Variants in NIPBL observed in about 807,000 individuals in gnomAD.
NIPBL encodes the protein nipped-B-like protein.
A neutral mutation model predicts 321.8 loss-of-function variants in NIPBL; 19 were observed. That is an observed-to-expected ratio of 0.06 (90% CI 0.04 to 0.09). The LOEUF (loss-of-function observed/expected upper bound fraction) is 0.09. Among genes scored for constraint, NIPBL ranks in the 10% least tolerant of loss-of-function variants. The pLI, the probability that NIPBL is intolerant of heterozygous loss-of-function variation, is 1.00. For synonymous variants in NIPBL, 1,106 were observed against 1,114.1 expected (o/e 0.99, Z 0.14); for missense variants, 2,210 against 3,327.0 (o/e 0.66, Z 8.26).
chr5:37,041,259 T>G (rs1335416770), intron 34 of NIPBL, among the ~76,000 whole-genome samples: 4 of 121,206 alleles, frequency 3.3e-5, no homozygotes, highest in Admixed American at 8.2e-5. Context: ...GTGGTTTTTT[T>G]TTTTTTTTTT....
chr5:36,915,949 C>T (rs1039771567), intron 1 of NIPBL, among the ~76,000 whole-genome samples: 4 of 152,138 alleles, frequency 2.6e-5, no homozygotes, highest in African/African-American at 7.2e-5. Flanking sequence ...ATTGATAGAA[C>T]ACAGACTAAA....
chr5:37,014,890 G>C (rs1199305375), intron 22 of NIPBL, 125 bp downstream of exon 22: 9 of 672,598 alleles, frequency 1.3e-5, no homozygotes, highest in Non-Finnish European at 8.0e-6. Context: ...CCTGACACTT[G>C]GTTTCTTGAT....
At chr5:36,990,042 G>T (rs938651915) in intron 10 of NIPBL, among the ~76,000 whole-genome samples, 1 of 151,186 alleles carries the variant, frequency 6.6e-6, no homozygotes, top group South Asian at 2.1e-4. Flanking sequence ...TTTCCAACTA[G>T]TATATCATTC....
At chr5:37,007,596 T>A in intron 18 of NIPBL, 122 bp downstream of exon 18, 1 of 665,120 alleles carries the variant, frequency 1.5e-6, no homozygotes, top group South Asian at 2.2e-5. Context: ...GTTAAGAGTA[T>A]GTTATATCTA....
chr5:36,999,944 T>C (rs1746595399), intron 11 of NIPBL, among the ~76,000 whole-genome samples: 1 of 152,194 alleles, frequency 6.6e-6, no homozygotes, highest in African/African-American at 2.4e-5. Context: ...AAGTTGACTT[T>C]TCCTCCAAAC....
Position 37,046,217 on chromosome 5 carries a change from T to C in NIPBL, c.6589+18T>C, listed in dbSNP as rs763816411. On this transcript the variant is annotated intron_variant, in intron 38 of 46. Coordinates refer to ENST00000282516, the MANE Select transcript of NIPBL (RefSeq NM_133433.4). ...TGGTCTAGGTAAGTCTAAATTTCTTTATAATTTGTAGCTATTTGAGAGGGA... is the reference window on the plus strand; with the variant it reads ...TGGTCTAGGTAAGTCTAAATTTCTTCATAATTTGTAGCTATTTGAGAGGGA... 5.2e-6 allele frequency: 7 copies of C among 1,352,968 alleles called. No homozygotes were observed. Among genetic ancestry groups the C allele is most frequent in the Middle Eastern group, 1.8e-4 (1 of 5,542 alleles). 83.8% of individuals were successfully genotyped at this position (1,352,968 alleles called of 1,614,324 possible).
At chr5:36,980,704 T>G (rs533434599) in intron 9 of NIPBL, among the ~76,000 whole-genome samples, 2 of 151,786 alleles carry the variant, frequency 1.3e-5, no homozygotes, top group East Asian at 3.9e-4. Flanking sequence ...CTATATGATG[T>G]TCACGTAACA....
intron 1 of NIPBL, among the ~76,000 whole-genome samples, chr5:36,937,014 T>C (rs1275381134): frequency 6.6e-6 from 1 of 152,194 alleles, no homozygotes; most frequent in Non-Finnish European, 1.5e-5. Flanking sequence ...ATTTGTGATA[T>C]ATTAAACAGG....
chr5:37,006,602 A>G lies in NIPBL; in HGVS notation c.4087+14A>G. ...ATCCTCATGGAGGTTAGTTCGTATA[A>G]TATCAAAATTATTGTAAATTTTTGC... On this transcript the variant is annotated intron_variant, in intron 17 of 46. Transcript: ENST00000282516. The G allele has an allele frequency of 6.5e-7, 1 of 1,540,242 alleles. No individual in the cohort carries two copies. Among genetic ancestry groups the G allele is most frequent in the Non-Finnish European group, 8.9e-7 (1 of 1,119,344 alleles).
chr5:36,884,991 G>T (rs1168055108), intron 1 of NIPBL, among the ~76,000 whole-genome samples: 1 of 152,122 alleles, frequency 6.6e-6, no homozygotes, highest in Admixed American at 6.5e-5. Flanking sequence ...TATAATTGGA[G>T]TAAGATACTG....
At chr5:36,997,956 T>C (rs1746336934) in intron 11 of NIPBL, among the ~76,000 whole-genome samples, 1 of 152,144 alleles carries the variant, frequency 6.6e-6, no homozygotes, top group Non-Finnish European at 1.5e-5. Flanking sequence ...GGAAATAGTT[T>C]TGTTGAAGGT....
chr5:37,065,176 A>C lies in NIPBL; in HGVS notation c.*284A>C. The C allele has an allele frequency of 2.3e-6, 1 of 432,922 alleles. No homozygotes were observed. Among genetic ancestry groups the C allele is most frequent in the Non-Finnish European group, 4.2e-6 (1 of 238,196 alleles). 26.8% of individuals were successfully genotyped at this position (432,922 alleles called of 1,614,324 possible). A position where few individuals can be genotyped will look rare whatever the true frequency, so the allele number is the denominator to read the frequency against. On this transcript the variant is annotated 3_prime_UTR_variant, in exon 47 of 47. Transcript: ENST00000282516. Reference sequence around the variant, plus strand: ...AACTTTCTGTTTAAAAAAAATAAACAAGTGAATGTTGGAAATTAGTCTGTT... The same window carrying C: ...AACTTTCTGTTTAAAAAAAATAAACCAGTGAATGTTGGAAATTAGTCTGTT...
intron 1 of NIPBL, chr5:36,885,611 A>G: frequency 1.9e-6 from 1 of 534,984 alleles, no homozygotes; most frequent in East Asian, 4.9e-5. Context: ...CGAGGATCTG[A>G]GGGCTCAGAT....
At chr5:37,053,065 G>C (rs1383252499) in intron 42 of NIPBL, among the ~76,000 whole-genome samples, 1 of 152,080 alleles carries the variant, frequency 6.6e-6, no homozygotes, top group Non-Finnish European at 1.5e-5. Flanking sequence ...ATGAAACCAT[G>C]GATAGTACTA....
chr5:36,994,412 T>G (rs954460699), intron 10 of NIPBL, among the ~76,000 whole-genome samples: 4 of 152,196 alleles, frequency 2.6e-5, no homozygotes, highest in Non-Finnish European at 5.9e-5. Context: ...TCATTAAGAT[T>G]AATATTTTAT....
chr5:36,995,925 T>C lies in NIPBL; in HGVS notation c.3304+121T>C, dbSNP rs75303479. Reference sequence around the variant, plus strand: ...GTCACCTTAATTCTTAATAACACAGTATAGTAAGTTTTTTTCTCTATACTT... The same window carrying C: ...GTCACCTTAATTCTTAATAACACAGCATAGTAAGTTTTTTTCTCTATACTT... On this transcript the variant is annotated intron_variant, in intron 11 of 46. Coordinates refer to ENST00000282516, the MANE Select transcript of NIPBL (RefSeq NM_133433.4). 6,267 of 823,452 alleles carry C rather than the reference T, an allele frequency of 7.6e-3. 115 individuals are homozygous for C. The highest frequency in any genetic ancestry group is 0.059 in the African/African-American group (3,339 of 56,978). The allele number at this position is 823,452 out of a possible 1,614,324, so 51.0% of individuals were successfully genotyped here. A position where few individuals can be genotyped will look rare whatever the true frequency, so the allele number is the denominator to read the frequency against.
chr5:36,891,263 CAAAA>C (rs987539344), intron 1 of NIPBL, among the ~76,000 whole-genome samples: 1 of 151,230 alleles, frequency 6.6e-6, no homozygotes, highest in African/African-American at 2.4e-5. Flanking sequence ...GACTCCATCT[CAAAA>C]AACAAAAAAA....
At chr5:37,021,901 T>C in intron 27 of NIPBL, 150 bp from the exon 28 acceptor site, 1 of 683,076 alleles carries the variant, frequency 1.5e-6, no homozygotes, top group South Asian at 1.8e-5. Flanking sequence ...AGTTAAACTT[T>C]GAATCATTAG....
intron 1 of NIPBL, among the ~76,000 whole-genome samples, chr5:36,943,967 A>C (rs1238229680): frequency 1.3e-5 from 2 of 152,264 alleles, no homozygotes; most frequent in East Asian, 3.9e-4. Context: ...ATTTGGTGGA[A>C]TGGAGAATAA....
Sources: allele counts gnomAD v4.1 joint callset (sites outside exome capture counted in the v4.1 genomes callset), GRCh38; gene constraint gnomAD v4.1.1; transcripts MANE v1.5; gene names NCBI Gene and HGNC (gene_info 2026-07-23, HGNC 2026-07-21).